Variants in PUDP observed in about 807,000 individuals in gnomAD.
The protein encoded by PUDP is pseudouridine 5'-phosphatase, also known as pseudouridine-5'-phosphatase.
A neutral mutation model predicts 9.4 loss-of-function variants in PUDP; 8 were observed. The observed-to-expected ratio is 0.85, with a 90% confidence interval of 0.50 to 1.53. The LOEUF (loss-of-function observed/expected upper bound fraction) is 1.53. Among genes scored for constraint, PUDP ranks in the 40% most tolerant of loss-of-function variants. The pLI is 0.00. For synonymous variants in PUDP, 99 were observed against 80.7 expected, an observed-to-expected ratio of 1.23 and a Z score of -1.22; for missense variants, 188 against 189.7, an observed-to-expected ratio of 0.99 and a Z score of 0.05.
chrX:7,107,089 G>A (rs1931905386), intron 1 of PUDP, among the ~76,000 whole-genome samples: 1 of 111,819 alleles, frequency 8.9e-6, no homozygotes, highest in Admixed American at 9.4e-5. Flanking sequence ...GAAGACACAC[G>A]GATGCATCTG....
At chrX:7,141,757 G>A (rs1361726466) in intron 1 of PUDP, among the ~76,000 whole-genome samples, 2 of 112,511 alleles carry the variant, frequency 1.8e-5, no homozygotes, top group African/African-American at 6.5e-5. Context: ...TAAAGGACAG[G>A]CGGACTTTTG....
Position 7,050,047 on chromosome X carries a change from G to A in PUDP, c.*249C>T, listed in dbSNP as rs1930052489. 1 of 358,331 alleles carries A rather than the reference G, an allele frequency of 2.8e-6. No individual in the cohort carries two copies. The highest frequency in any genetic ancestry group is 4.4e-5 in the East Asian group (1 of 22,742). The allele number at this position is 358,331 out of a possible 1,213,427, so 29.5% of individuals were successfully genotyped here. Reference sequence around the variant, plus strand: ...ACTCCATCAGCTTGACTTCTGAGATGGTAATTCAAGTTTCATCTTTGTTCT... The same window carrying A: ...ACTCCATCAGCTTGACTTCTGAGATAGTAATTCAAGTTTCATCTTTGTTCT... On this transcript the variant is annotated 3_prime_UTR_variant, in exon 4 of 4. Coordinates refer to ENST00000381077, the MANE Select transcript of PUDP (RefSeq NM_012080.5).
At chrX:6,721,281 A>G (rs1375596447) in intron 1 of PUDP, 1 of 112,159 alleles carries the variant, frequency 8.9e-6, no homozygotes, top group Non-Finnish European at 1.9e-5. Flanking sequence ...ATGGAAAGCA[A>G]TTGCAACACA....
At chrX:6,919,746 G>A (rs1266331744) in intron 3 of PUDP, among the ~76,000 whole-genome samples, 1 of 105,391 alleles carries the variant, frequency 9.5e-6, no homozygotes, top group Admixed American at 1.0e-4. Flanking sequence ...AAAGTTAGCC[G>A]GGCGTGGGAG....
intron 3 of PUDP, among the ~76,000 whole-genome samples, chrX:6,831,777 C>G (rs1233209179): frequency 2.7e-5 from 3 of 111,833 alleles, no homozygotes; most frequent in East Asian, 5.6e-4. Flanking sequence ...CAATAACCTT[C>G]TTGAAATAGT....
At chrX:7,010,479 T>G (rs1186829080) in intron 1 of PUDP, among the ~76,000 whole-genome samples, 2 of 111,959 alleles carry the variant, frequency 1.8e-5, no homozygotes, top group African/African-American at 6.5e-5. Context: ...AGTCTTAAAC[T>G]TGATACACTG....
chrX:7,020,160 A>G (rs1163570643), intron 1 of PUDP, among the ~76,000 whole-genome samples: 1 of 110,452 alleles, frequency 9.1e-6, no homozygotes, highest in Non-Finnish European at 1.9e-5. Flanking sequence ...TGGTGAAACA[A>G]TGGAATTATT....
At chrX:7,048,802 C>T (rs1380212580), downstream of PUDP, 1 of 112,423 alleles carries the variant, frequency 8.9e-6, no homozygotes, top group Non-Finnish European at 1.9e-5. Flanking sequence ...TATCCGTTTA[C>T]AGTTGGAGTA....
intron 1 of PUDP, among the ~76,000 whole-genome samples, chrX:7,043,801 G>A (rs1450825074): frequency 9.0e-6 from 1 of 111,415 alleles, no homozygotes; most frequent in South Asian, 3.8e-4. Flanking sequence ...GTGGAGAAAG[G>A]GAAGAATTAA....
chrX:7,055,376 C>T (rs910264859), intron 3 of PUDP, among the ~76,000 whole-genome samples: 2 of 110,998 alleles, frequency 1.8e-5, no homozygotes, highest in Non-Finnish European at 3.8e-5. Flanking sequence ...CTCAGCCTCT[C>T]GAGTAGCTGG....
chrX:7,148,010 A>T, intron 1 of PUDP, 43 bp downstream of exon 1: 1 of 1,080,512 alleles, frequency 9.3e-7, no homozygotes, highest in Non-Finnish European at 1.2e-6. Context: ...CCACGCCCAC[A>T]CAAGACCGCC....
chrX:7,041,796 C>T (rs184559918), intron 1 of PUDP, among the ~76,000 whole-genome samples: 109 of 111,028 alleles, frequency 9.8e-4, no homozygotes, highest in African/African-American at 3.4e-3. Flanking sequence ...ATGGTCCCTG[C>T]ATTAATCCTG....
chrX:7,074,685 A>G (rs1173600820), intron 3 of PUDP, among the ~76,000 whole-genome samples: 2 of 112,518 alleles, frequency 1.8e-5, no homozygotes, highest in Non-Finnish European at 3.7e-5. Context: ...TCTGGGAAGA[A>G]GGCTTTATAG....
chrX:6,858,098 G>A (rs189930752), intron 3 of PUDP, among the ~76,000 whole-genome samples: 208 of 111,072 alleles, frequency 1.9e-3, no homozygotes, highest in African/African-American at 6.1e-3. Flanking sequence ...GACAGCAGGA[G>A]ATGAAAGTCA....
intron 3 of PUDP, among the ~76,000 whole-genome samples, chrX:6,819,569 G>A (rs777885130): frequency 2.7e-4 from 30 of 112,590 alleles, no homozygotes; most frequent in African/African-American, 9.3e-4. Flanking sequence ...TGGAGGAGGC[G>A]ATGGAAGAAC....
At position 7,103,654 on chromosome X, in the gene PUDP, T is replaced by A. The variant is rs376110700; in HGVS notation, c.280+1966A>T. On this transcript the variant is annotated intron_variant, in intron 2 of 3. Coordinates refer to ENST00000381077, the MANE Select transcript of PUDP (RefSeq NM_012080.5). ...GGAGAAAATGGTCATAAGTCATATG[T>A]CTGATAACAGTTTAACATTCAAAAT... is the stretch of plus-strand genomic sequence containing the variant. Among the ~76,000 whole-genome samples, 4 of 112,377 alleles carry A rather than the reference T, an allele frequency of 3.6e-5. No homozygotes were observed. The East Asian group carries it at 1.1e-3, about 31-fold the overall frequency.
At chrX:6,794,238 G>A (rs568859690) in intron 3 of PUDP, among the ~76,000 whole-genome samples, 6 of 112,472 alleles carry the variant, frequency 5.3e-5, no homozygotes, top group South Asian at 3.7e-4. Flanking sequence ...GGTTGTGTGC[G>A]ATTAGTCTAT....
chrX:6,870,846 G>GT (rs1405576337), intron 3 of PUDP, among the ~76,000 whole-genome samples: 89 of 111,011 alleles, frequency 8.0e-4, no homozygotes, highest in African/African-American at 2.8e-3. Flanking sequence ...TCAGGTGGAG[G>GT]TTTTTTTTAT....
intron 3 of PUDP, among the ~76,000 whole-genome samples, chrX:7,056,397 C>T (rs988499874): frequency 2.7e-5 from 3 of 112,012 alleles, no homozygotes; most frequent in East Asian, 2.8e-4. Flanking sequence ...GGCAGGCCTG[C>T]GGCCTACCCT....
Sources: allele counts gnomAD v4.1 joint callset (sites outside exome capture counted in the v4.1 genomes callset), GRCh38; gene constraint gnomAD v4.1.1; transcripts MANE v1.5; gene names NCBI Gene and HGNC (gene_info 2026-07-23, HGNC 2026-07-21).